The following ANKRD28 variants were observed in gnomAD, a reference collection of about 807,000 sequenced individuals.
ANKRD28 encodes ankyrin repeat domain 28, also known as serine/threonine-protein phosphatase 6 regulatory ankyrin repeat subunit A.
ANKRD28 carries 44 observed loss-of-function variants against 126.5 expected under a neutral mutation model. That is an observed-to-expected ratio of 0.35 (90% CI 0.27 to 0.45). The LOEUF is 0.45. ANKRD28 is among the 20% of genes least tolerant of loss of function. The pLI, the probability that ANKRD28 is intolerant of heterozygous loss-of-function variation, is 1.00. For missense variants in ANKRD28, 1,110 were observed against 1,316.6 expected (o/e 0.84, Z 2.43); for synonymous variants, 442 against 468.5 (o/e 0.94, Z 0.73).
intron 14 of ANKRD28, among the ~76,000 whole-genome samples, chr3:15,702,507 C>G: frequency 6.6e-6 from 1 of 152,134 alleles, no homozygotes; most frequent in East Asian, 1.9e-4. Context: ...TAAGGCTAAA[C>G]AATATTCTGT....
chr3:15,716,250 A>G (rs942575523), intron 8 of ANKRD28, among the ~76,000 whole-genome samples: 33 of 147,946 alleles, frequency 2.2e-4, no homozygotes, highest in South Asian at 1.1e-3. Context: ...CCAAAGTGCT[A>G]GGATTACAGG....
chr3:15,685,560 G>A, intron 20 of ANKRD28, 115 bp from the exon 21 acceptor site: 1 of 904,504 alleles, frequency 1.1e-6, no homozygotes, highest in East Asian at 2.5e-5. Flanking sequence ...ATCAATTAAA[G>A]CCATTTATCA....
At position 15,817,585 on chromosome 3, in the gene ANKRD28, T is replaced by C. The variant is rs2060858657; in HGVS notation, c.28-22279A>G. 1.3e-5 allele frequency among the ~76,000 whole-genome samples: 2 copies of C among 152,124 alleles called. No homozygotes were observed. The highest frequency in any genetic ancestry group is 2.9e-5 in the Non-Finnish European group (2 of 68,020). On this transcript the variant is annotated intron_variant, in intron 1 of 27. Transcript: ENST00000399451. This position sits in a 1 kb window ranked among gnomAD's most constrained non-coding sequence, Gnocchi z 4.5. Reference sequence around the variant, plus strand: ...AAGATATACCAGTTGATGAATCCTATGAGGAAAACTGGAGGGCAACCTAGT... The same window carrying C: ...AAGATATACCAGTTGATGAATCCTACGAGGAAAACTGGAGGGCAACCTAGT...
chr3:15,701,651 T>A (rs373954485), intron 14 of ANKRD28, among the ~76,000 whole-genome samples: 1 of 151,710 alleles, frequency 6.6e-6, no homozygotes, highest in Non-Finnish European at 1.5e-5. Flanking sequence ...TCTCAAAAAA[T>A]AAATAAATAA....
intron 2 of ANKRD28, among the ~76,000 whole-genome samples, chr3:15,777,295 AAAG>A (rs1360270300): frequency 4.6e-5 from 7 of 151,926 alleles, no homozygotes; most frequent in Admixed American, 2.6e-4. Context: ...AAAAGAAAAA[AAAG>A]AAAAAAGTCA....
intron 15 of ANKRD28, among the ~76,000 whole-genome samples, chr3:15,695,740 G>T (rs1238812516): frequency 1.3e-5 from 2 of 152,092 alleles, no homozygotes; most frequent in African/African-American, 4.8e-5. Flanking sequence ...TGTTAGGAGG[G>T]GTTGTGAAAT....
Position 15,713,626 on chromosome 3 carries a change from C to T in ANKRD28, c.1091G>A (p.Cys364Tyr), listed in dbSNP as rs781564578. ...AGGGGTATTTCCATTCTTATCCTCA[C>T]AGTCGATTACAGCTCCTGCAATATA... Reference protein sequence around the residue: ...TIIQSGAVIDCEDKNGNTPLH... With the variant: ...TIIQSGAVIDYEDKNGNTPLH... Residue 364 changes from cysteine (C) to tyrosine (Y), a missense_variant, in exon 10 of 28, where the codon TGT becomes TAT. Cys to Tyr is a radical substitution (Grantham distance 194, BLOSUM62 -2). Coordinates refer to ENST00000683139, the MANE Select transcript of ANKRD28 (RefSeq NM_001349278.2). 6.2e-7 allele frequency: 1 copy of T among 1,605,270 alleles called. No individual in the cohort carries two copies. The highest frequency in any genetic ancestry group is 1.7e-5 in the Admixed American group (1 of 57,736).
chr3:15,849,351 A>G (rs949157970), intron 1 of ANKRD28, among the ~76,000 whole-genome samples: 1 of 152,230 alleles, frequency 6.6e-6, no homozygotes, highest in Admixed American at 6.5e-5. Context: ...CTTAAAAAAC[A>G]AAAACAAAAA....
chr3:15,806,508 C>T (rs1367877292), intron 1 of ANKRD28, among the ~76,000 whole-genome samples: 2 of 152,038 alleles, frequency 1.3e-5, no homozygotes, highest in African/African-American at 2.4e-5. Context: ...TATACCAACA[C>T]TGCTGCCATC....
chr3:15,788,808 G>A (rs1292325927), intron 2 of ANKRD28, among the ~76,000 whole-genome samples: 3 of 152,048 alleles, frequency 2.0e-5, no homozygotes, highest in African/African-American at 7.2e-5. Flanking sequence ...GCAAAAGCAG[G>A]AGGTCACTGA....
chr3:15,677,456 C>T (rs1250209239), intron 25 of ANKRD28, 24 bp downstream of exon 25: 1 of 1,551,772 alleles, frequency 6.4e-7, no homozygotes, highest in Non-Finnish European at 8.9e-7. Context: ...ACAATGGAAA[C>T]ATATTCTTAA....
At chr3:15,678,382 G>A in intron 23 of ANKRD28, 28 bp from the exon 24 acceptor site, 1 of 1,575,140 alleles carries the variant, frequency 6.3e-7, no homozygotes, top group Non-Finnish European at 8.6e-7. Flanking sequence ...TGAAATATAT[G>A]ACTAAATTTG....
At chr3:15,688,602 G>A (rs2068424415) in intron 18 of ANKRD28, among the ~76,000 whole-genome samples, 1 of 152,186 alleles carries the variant, frequency 6.6e-6, no homozygotes, top group Non-Finnish European at 1.5e-5. Flanking sequence ...GGGCGGCTCT[G>A]GGAGTAACAG....
chr3:15,766,446 T>A (rs2058742355), intron 2 of ANKRD28, 134 bp from the exon 3 acceptor site: 1 of 607,306 alleles, frequency 1.6e-6, no homozygotes, highest in Admixed American at 2.9e-5. Context: ...TCTATAACTC[T>A]AGCCTAGTCT....
intron 1 of ANKRD28, among the ~76,000 whole-genome samples, chr3:15,836,700 G>A (rs552980733): frequency 1.4e-4 from 22 of 152,186 alleles, no homozygotes; most frequent in African/African-American, 5.3e-4. Context: ...CAGACTTTAA[G>A]TCAAAAAAAG....
intron 2 of ANKRD28, among the ~76,000 whole-genome samples, chr3:15,785,410 A>T (rs2059729028): frequency 6.6e-6 from 1 of 152,262 alleles, no homozygotes; most frequent in South Asian, 2.1e-4. Flanking sequence ...CAAGGACTTT[A>T]ACAGACATTT....
chr3:15,775,583 T>C (rs1343782577), intron 2 of ANKRD28, among the ~76,000 whole-genome samples: 1 of 152,246 alleles, frequency 6.6e-6, no homozygotes, highest in Non-Finnish European at 1.5e-5. Flanking sequence ...CCACTACCTC[T>C]TTCTCAGGTT....
intron 7 of ANKRD28, among the ~76,000 whole-genome samples, chr3:15,723,196 G>A (rs1281875860): frequency 1.3e-5 from 2 of 152,118 alleles, no homozygotes; most frequent in Non-Finnish European, 2.9e-5. Flanking sequence ...TGAGATTTTT[G>A]CAACGTCTTC....
intron 1 of ANKRD28, among the ~76,000 whole-genome samples, chr3:15,842,323 T>C (rs2061439889): frequency 6.6e-6 from 1 of 152,006 alleles, no homozygotes; most frequent in African/African-American, 2.4e-5. Context: ...GTTTGCATGT[T>C]CTCACTTATT....
Sources: gnomAD v4.1 joint callset for allele counts (sites outside exome capture counted in the v4.1 genomes callset) on GRCh38, gnomAD v4.1.1 for gene constraint, Gnocchi (gnomAD v3.1) non-coding constraint, MANE v1.5 for transcripts, NCBI Gene and HGNC (gene_info 2026-07-23, HGNC 2026-07-21) for gene names.